The following SLC43A3 variants were observed in gnomAD, a reference collection of about 807,000 sequenced individuals.
The protein encoded by SLC43A3 is equilibrative nucleobase transporter 1.
In SLC43A3, 33 loss-of-function variants were observed where a neutral mutation model predicts 53.3. The ratio of observed to expected loss-of-function variants is 0.62; its 90% CI spans 0.47 to 0.83. The LOEUF (loss-of-function observed/expected upper bound fraction) is 0.83, where lower values mean the gene tolerates loss of function less well. Ranked by LOEUF, SLC43A3 falls within the 40% of genes least tolerant of loss-of-function variation. The probability of loss-of-function intolerance (pLI) is 0.00; values close to 1 mark genes in which losing one functional copy is unlikely to be tolerated. For missense variants in SLC43A3, 530 were observed against 610.0 expected, an observed-to-expected ratio of 0.87 and a Z score of 1.38; for synonymous variants, 236 against 246.2, an observed-to-expected ratio of 0.96 and a Z score of 0.39.
chr11:57,421,146 T>A (rs1418266109), intron 6 of SLC43A3, 82 bp from the exon 7 acceptor site: 2 of 1,262,590 alleles, frequency 1.6e-6, no homozygotes, highest in Non-Finnish European at 2.3e-6. Flanking sequence ...TGGCAGACCC[T>A]CCTTATACCC....
Position 57,409,290 on chromosome 11 carries a change from G to T in SLC43A3, c.1256C>A (p.Ser419Ter), listed in dbSNP as rs769491369. The change falls in exon 13 of 14, where the codon TCA becomes TAA. Residue 419 changes from serine to a stop codon, truncating the protein, a stop_gained. Transcript: ENST00000395124. LOFTEE classifies it high-confidence loss of function. ...NAAFLTLAFP[S>*]EHFGKLFGLV... ...CCCAAAGAGCTTGCCAAAGTGCTCT[G>T]AAGGGAAACTGGGGAGAGAAACCAG... is the stretch of plus-strand genomic sequence containing the variant. The T allele has an allele frequency of 6.2e-7, 1 of 1,614,172 alleles. No homozygotes were observed. The highest frequency in any genetic ancestry group is 8.5e-7 in the Non-Finnish European group (1 of 1,180,022).
At chr11:57,424,584 A>G (rs1943125150) in intron 4 of SLC43A3, among the ~76,000 whole-genome samples, 1 of 151,658 alleles carries the variant, frequency 6.6e-6, no homozygotes, top group African/African-American at 2.4e-5. Context: ...AGGCTCCCTT[A>G]GCATTTGGGG....
chr11:57,414,512 A>C, intron 11 of SLC43A3, 103 bp downstream of exon 11: 2 of 496,498 alleles, frequency 4.0e-6, no homozygotes, highest in Non-Finnish European at 3.5e-6. Context: ...ATCACAAAAA[A>C]AAAAAAAAAA....
intron 7 of SLC43A3, 33 bp from the exon 8 acceptor site, chr11:57,417,920 A>C (rs545059988): frequency 6.2e-7 from 1 of 1,607,542 alleles, no homozygotes; most frequent in African/African-American, 1.3e-5. Context: ...TCAGTGTCAC[A>C]CCCACGTTCA....
chr11:57,413,671 A>G (rs905617007), intron 11 of SLC43A3, among the ~76,000 whole-genome samples: 3 of 152,138 alleles, frequency 2.0e-5, no homozygotes, highest in African/African-American at 7.2e-5. Context: ...CTACTCCTCC[A>G]ACCAGGTCCA....
intron 13 of SLC43A3, 81 bp from the exon 14 acceptor site, chr11:57,407,977 A>C: frequency 3.3e-6 from 3 of 900,902 alleles, no homozygotes; most frequent in Non-Finnish European, 5.4e-6. Context: ...GCACTGGTCC[A>C]TTCCATGACC....
intron 9 of SLC43A3, 95 bp downstream of exon 9, chr11:57,416,478 T>TCA: frequency 1.1e-6 from 1 of 900,824 alleles, no homozygotes; most frequent in Non-Finnish European, 1.8e-6. Flanking sequence ...TTCCTGATTC[T>TCA]GGGTCCCTGG....
intron 4 of SLC43A3, among the ~76,000 whole-genome samples, chr11:57,424,349 C>T (rs1341191113): frequency 2.0e-5 from 3 of 152,150 alleles, no homozygotes; most frequent in Non-Finnish European, 4.4e-5. Flanking sequence ...ATGGGCAAAG[C>T]GAAGGTCCTC....
intron 10 of SLC43A3, 26 bp downstream of exon 10, chr11:57,414,907 G>A: frequency 6.2e-7 from 1 of 1,610,522 alleles, no homozygotes; most frequent in South Asian, 1.1e-5. Flanking sequence ...CATGCAGATG[G>A]GCTACCTCCC....
At chr11:57,408,306 A>T (rs1039461115) in intron 13 of SLC43A3, 9 of 164,314 alleles carry the variant, frequency 5.5e-5, no homozygotes, top group Admixed American at 4.1e-4. Context: ...TCACGCCTGT[A>T]ATCACAGCAT....
chr11:57,409,309 A>T lies in SLC43A3; in HGVS notation c.1248-11T>A. ...TGCTCTGAAGGGAAACTGGGGAGAG[A>T]AACCAGAGGGGTTCCAGTGAGCTTC... On this transcript the variant is annotated splice_polypyrimidine_tract_variant and intron_variant, in intron 12 of 13. Coordinates refer to ENST00000395124, the MANE Select transcript of SLC43A3 (RefSeq NM_199329.3). 1.9e-6 allele frequency: 3 copies of T among 1,614,050 alleles called. No individual in the cohort carries two copies. Among genetic ancestry groups the T allele is most frequent in the Non-Finnish European group, 2.5e-6 (3 of 1,179,992 alleles).
In SLC43A3 at chr11:57,415,518, C is replaced by G. The variant is rs550690575; in HGVS notation, c.770-412G>C. On this transcript the variant is annotated intron_variant, in intron 9 of 13. Transcript: ENST00000395124. ...TCAGCACCTCCCTTTCTTTTGATAC[C>G]AGTATCCTGAGTTTCTTTGGGAAAT... is the stretch of plus-strand genomic sequence containing the variant. 13 of 677,564 alleles carry G rather than the reference C, an allele frequency of 1.9e-5. No homozygotes were observed. The African/African-American group carries it at 2.4e-4, about 13-fold the overall frequency. The allele number at this position is 677,564 out of a possible 1,614,324, so 42.0% of individuals were successfully genotyped here.
intron 9 of SLC43A3, chr11:57,415,453 AGAG>A: frequency 7.7e-7 from 1 of 1,290,854 alleles, no homozygotes; most frequent in Non-Finnish European, 1.0e-6. Flanking sequence ...GTCAGAAGGG[AGAG>A]GAGAATGAGT....
chr11:57,419,440 G>C (rs1337051950), intron 7 of SLC43A3, among the ~76,000 whole-genome samples: 1 of 152,150 alleles, frequency 6.6e-6, no homozygotes, highest in Non-Finnish European at 1.5e-5. Context: ...AGAGTAAGCA[G>C]CAGCAAAGTC....
chr11:57,410,388 TC>T (rs1157714926), intron 11 of SLC43A3, among the ~76,000 whole-genome samples: 1 of 152,138 alleles, frequency 6.6e-6, no homozygotes, highest in African/African-American at 2.4e-5. Flanking sequence ...TACCATTAAC[TC>T]AGTCATGGAT....
At chr11:57,418,005 A>C in intron 7 of SLC43A3, 118 bp from the exon 8 acceptor site, 2 of 864,166 alleles carry the variant, frequency 2.3e-6, no homozygotes, top group Non-Finnish European at 3.6e-6. Context: ...GCTAAACATA[A>C]TGTGATCTAT....
chr11:57,414,734 G>A lies in SLC43A3; in HGVS notation c.944-3C>T. 1 of 1,610,248 alleles carries A rather than the reference G, an allele frequency of 6.2e-7. No individual in the cohort carries two copies. Among genetic ancestry groups the A allele is most frequent in the Non-Finnish European group, 8.5e-7 (1 of 1,176,548 alleles). ...AAAGGCATTTGTGTAGGTGCTGACTGCAGAAGGAAGAGAGAGGTTGGTTGA... is the reference window on the plus strand; with the variant it reads ...AAAGGCATTTGTGTAGGTGCTGACTACAGAAGGAAGAGAGAGGTTGGTTGA... On this transcript the variant is annotated splice_region_variant and splice_polypyrimidine_tract_variant and intron_variant, in intron 10 of 13. Coordinates refer to ENST00000395124, the MANE Select transcript of SLC43A3 (RefSeq NM_199329.3).
intron 12 of SLC43A3, 105 bp from the exon 13 acceptor site, chr11:57,409,403 T>C: frequency 7.5e-7 from 1 of 1,334,982 alleles, no homozygotes. Context: ...AGCTCCCCTG[T>C]CCTAGGCCTG....
At chr11:57,409,802 A>G (rs1477141114) in intron 12 of SLC43A3, 133 bp downstream of exon 12, 7 of 791,758 alleles carry the variant, frequency 8.8e-6, no homozygotes, top group Non-Finnish European at 1.4e-5. Context: ...CACCCCCTCC[A>G]CACCTGCCCC....
Sources: allele counts gnomAD v4.1 joint callset (sites outside exome capture counted in the v4.1 genomes callset), GRCh38; gene constraint gnomAD v4.1.1; transcripts MANE v1.5; gene names NCBI Gene and HGNC (gene_info 2026-07-23, HGNC 2026-07-21).